The following TSHZ2 variants were observed in gnomAD, a reference collection of about 807,000 sequenced individuals.
The protein encoded by TSHZ2 is teashirt homolog 2.
A neutral mutation model predicts 74.4 loss-of-function variants in TSHZ2; 21 were observed. The observed-to-expected ratio is 0.28, with a 90% confidence interval of 0.20 to 0.41. TSHZ2 has a LOEUF of 0.41. TSHZ2 is among the 10% of genes least tolerant of loss of function. TSHZ2 has a pLI of 1.00. For missense variants in TSHZ2, 1,244 were observed against 1,293.5 expected (o/e 0.96, Z 0.59); for synonymous variants, 540 against 515.3 (o/e 1.05, Z -0.65).
At chr20:52,977,902 T>C (rs1436870960) in intron 1 of TSHZ2, among the ~76,000 whole-genome samples, 1 of 152,170 alleles carries the variant, frequency 6.6e-6, no homozygotes, top group African/African-American at 2.4e-5. Context: ...AAGATTACTT[T>C]TGGGGAGGGG....
At chr20:53,012,742 A>G (rs1982899559) in intron 1 of TSHZ2, among the ~76,000 whole-genome samples, 1 of 152,128 alleles carries the variant, frequency 6.6e-6, no homozygotes, top group South Asian at 2.1e-4. Context: ...GTGCACAAGT[A>G]CACTTTTTGG....
Position 53,008,103 on chromosome 20 carries a change from TGATATTAGAATTGA to T in TSHZ2, c.40+34773_40+34786del, listed in dbSNP as rs1982711977. Among the ~76,000 whole-genome samples, 3 of 152,210 alleles carry T rather than the reference TGATATTAGAATTGA, an allele frequency of 2.0e-5. No individual in the cohort carries two copies. The South Asian group carries it at 6.2e-4, about 32-fold the overall frequency. On this transcript the variant is annotated intron_variant, in intron 1 of 2. Coordinates refer to ENST00000371497, the MANE Select transcript of TSHZ2 (RefSeq NM_173485.6). ...ATTTAAATCAATACATAATTAACCT[TGATATTAGAATTGA>T]GAATGAAAGCCCAGTTTAGAGTGTT...
intron 2 of TSHZ2, among the ~76,000 whole-genome samples, chr20:53,462,256 A>T (rs1336514219): frequency 6.6e-6 from 1 of 152,106 alleles, no homozygotes; most frequent in African/African-American, 2.4e-5. Context: ...CCTGTCTCAA[A>T]AACAAAACAA....
chr20:53,197,916 G>T (rs1447008617), intron 1 of TSHZ2, among the ~76,000 whole-genome samples: 1 of 152,148 alleles, frequency 6.6e-6, no homozygotes, highest in East Asian at 1.9e-4. Context: ...CATTTGCTTT[G>T]AAGTAAGCAT....
intron 1 of TSHZ2, among the ~76,000 whole-genome samples, chr20:53,248,873 CT>C (rs1990263764): frequency 6.6e-6 from 1 of 152,188 alleles, no homozygotes; most frequent in Non-Finnish European, 1.5e-5. Context: ...GAGTTGCACT[CT>C]GTCGCCCAGG....
At chr20:53,298,030 G>A (rs1038420652) in intron 2 of TSHZ2, among the ~76,000 whole-genome samples, 3 of 152,222 alleles carry the variant, frequency 2.0e-5, no homozygotes, top group African/African-American at 7.2e-5. Context: ...TCTTGGATGG[G>A]TGGTGTCTCC....
At chr20:53,267,184 G>T (rs140758782) in intron 2 of TSHZ2, among the ~76,000 whole-genome samples, 149 of 152,326 alleles carry the variant, frequency 9.8e-4, no homozygotes, top group African/African-American at 3.4e-3. Context: ...CTTTGACCTG[G>T]CACTGAGATC....
At chr20:53,384,989 C>T (rs1055214855) in intron 2 of TSHZ2, among the ~76,000 whole-genome samples, 13 of 151,984 alleles carry the variant, frequency 8.6e-5, no homozygotes, top group African/African-American at 2.4e-4. Flanking sequence ...GGCATAGTGG[C>T]GGGTGCCTGT....
At chr20:53,048,308 A>AGG (rs940928959) in intron 1 of TSHZ2, among the ~76,000 whole-genome samples, 13 of 151,416 alleles carry the variant, frequency 8.6e-5, no homozygotes, top group African/African-American at 2.7e-4. Context: ...AAAGAAGGGG[A>AGG]GGAGAGAGAG....
chr20:53,293,332 G>A (rs961336228), intron 2 of TSHZ2, among the ~76,000 whole-genome samples: 6 of 152,082 alleles, frequency 3.9e-5, no homozygotes, highest in Admixed American at 6.5e-5. Flanking sequence ...GCCTGGTGGT[G>A]CAGGCCTGTA....
chr20:53,282,437 T>A (rs907273912), intron 2 of TSHZ2, among the ~76,000 whole-genome samples: 3 of 152,208 alleles, frequency 2.0e-5, no homozygotes, highest in African/African-American at 7.2e-5. Flanking sequence ...GTGCATTGTG[T>A]CAAGAGCTTT....
chr20:53,403,110 G>A (rs6091669), intron 2 of TSHZ2, among the ~76,000 whole-genome samples: 14,003 of 152,060 alleles, frequency 0.092, 1,662 homozygotes, highest in African/African-American at 0.27. Flanking sequence ...TGTTACCACC[G>A]TACATGCTCA....
At chr20:53,323,563 C>CTTTTT (rs34687825) in intron 2 of TSHZ2, among the ~76,000 whole-genome samples, 410 of 36,684 alleles carry the variant, frequency 0.011, 140 homozygotes, top group South Asian at 0.02. Context: ...CCTTGGAGGG[C>CTTTTT]TTTTTTTTTT....
Position 53,235,312 on chromosome 20 carries a change from C to T in TSHZ2, c.41-18187C>T, listed in dbSNP as rs147547814. Among the ~76,000 whole-genome samples, 311 of 151,750 alleles carry T rather than the reference C, an allele frequency of 2.0e-3. 6 individuals carry two copies. The East Asian group carries it at 0.05, about 24-fold the overall frequency. On this transcript the variant is annotated intron_variant, in intron 1 of 2. Coordinates refer to ENST00000371497, the MANE Select transcript of TSHZ2 (RefSeq NM_173485.6). The stretch of plus-strand genomic sequence containing the variant: ...CCTCCCAAGTAGCTGGGATTACAGG[C>T]GTGGACCACCATACCCAGCCAATTT...
intron 2 of TSHZ2, among the ~76,000 whole-genome samples, chr20:53,386,330 C>T (rs915635662): frequency 3.3e-5 from 5 of 152,206 alleles, no homozygotes; most frequent in Non-Finnish European, 5.9e-5. Flanking sequence ...TTCTACTCAG[C>T]GGAATGACTG....
chr20:53,435,575 G>A (rs928482710), intron 2 of TSHZ2, among the ~76,000 whole-genome samples: 2 of 152,112 alleles, frequency 1.3e-5, no homozygotes, highest in Non-Finnish European at 2.9e-5. Flanking sequence ...GTGCAGTGGC[G>A]CGATCTTGGC....
intron 2 of TSHZ2, among the ~76,000 whole-genome samples, chr20:53,389,850 C>T (rs922059980): frequency 3.9e-5 from 6 of 152,166 alleles, no homozygotes; most frequent in African/African-American, 1.4e-4. Flanking sequence ...GGGACTATCC[C>T]CGACAACAAA....
At chr20:53,061,262 C>T (rs1984812810) in intron 1 of TSHZ2, among the ~76,000 whole-genome samples, 1 of 152,180 alleles carries the variant, frequency 6.6e-6, no homozygotes, top group Non-Finnish European at 1.5e-5. Context: ...TAGAGGAATT[C>T]TACCACCTCT....
At chr20:53,143,010 C>T (rs16997609) in intron 1 of TSHZ2, among the ~76,000 whole-genome samples, 2 of 152,064 alleles carry the variant, frequency 1.3e-5, no homozygotes, top group African/African-American at 2.4e-5. Context: ...TGACGTGACC[C>T]GCTGCTTTGC....
Sources: gnomAD v4.1 joint callset for allele counts (sites outside exome capture counted in the v4.1 genomes callset) on GRCh38, gnomAD v4.1.1 for gene constraint, MANE v1.5 for transcripts, NCBI Gene and HGNC (gene_info 2026-07-23, HGNC 2026-07-21) for gene names.